HAGH: variants seen among roughly 807,000 people sequenced by gnomAD.
The protein encoded by HAGH is hydroxyacylglutathione hydrolase, mitochondrial.
In HAGH, 29 loss-of-function variants were observed where a neutral mutation model predicts 35.1. The ratio of observed to expected loss-of-function variants is 0.83; its 90% CI spans 0.62 to 1.13. The LOEUF is 1.13. HAGH is among the 50% of genes most tolerant of loss of function. The pLI is 0.00. For missense variants in HAGH, 478 were observed against 419.6 expected, an observed-to-expected ratio of 1.14 and a Z score of -1.22; for synonymous variants, 225 against 176.1, an observed-to-expected ratio of 1.28 and a Z score of -2.20.
intron 7 of HAGH, chr16:1,810,135 C>T (rs530368607): frequency 2.9e-6 from 1 of 341,880 alleles, no homozygotes; most frequent in African/African-American, 2.2e-5. Context: ...GCCCTCCAGC[C>T]TGGGTGACAG....
At chr16:1,826,680 T>C (rs907183203) in intron 1 of HAGH, 32 bp downstream of exon 1, 1 of 983,954 alleles carries the variant, frequency 1.0e-6, no homozygotes, top group Non-Finnish European at 1.2e-6. Flanking sequence ...CAGGCCCGCG[T>C]CCCCCGGCCC....
At chr16:1,821,611 C>T (rs527628785) in intron 3 of HAGH, 1 of 152,332 alleles carries the variant, frequency 6.6e-6, no homozygotes, top group Admixed American at 6.5e-5. Context: ...TTTTTAAAAA[C>T]CCAACCTCTC....
intron 5 of HAGH, among the ~76,000 whole-genome samples, chr16:1,818,173 G>C (rs1278907471): frequency 6.6e-6 from 1 of 152,144 alleles, no homozygotes; most frequent in African/African-American, 2.4e-5. Context: ...GGCTGTCCTT[G>C]CGCCAGGCAC....
Position 1,816,949 on chromosome 16 carries a change from C to G in HAGH, c.691G>C (p.Ala231Pro). 1 of 1,613,964 alleles carries G rather than the reference C, an allele frequency of 6.2e-7. No homozygotes were observed. The highest frequency in any genetic ancestry group is 8.5e-7 in the Non-Finnish European group (1 of 1,179,840). ...HEYTINNLKFARHVEPGNAAI... is the reference protein window; with the variant it reads ...HEYTINNLKFPRHVEPGNAAI... ...GCATTGCCGGGCTCCACGTGGCGTG[C>G]AAACTTGAGGTTGTTGATGGTGTAC... is the stretch of plus-strand genomic sequence containing the variant. Residue 231 changes from alanine (A) to proline (P), a missense_variant, in exon 7 of 9, where the codon GCA becomes CCA. Transcript: ENST00000397356.
chr16:1,822,361 C>T lies in HAGH; in HGVS notation c.253G>A (p.Val85Met), dbSNP rs759861022. The stretch of plus-strand genomic sequence containing the variant: ...ACCCCGTGCTTTCTCGCCGCGTCCA[C>T]GACCTGCAGTGGCCCCGGGGAAGGA... Reference protein sequence around the residue: ...IVDPVQPQKVVDAARKHGVKL... With the variant: ...IVDPVQPQKVMDAARKHGVKL... The change falls in exon 3 of 9, where the codon GTG (valine) becomes ATG (methionine). Residue 85 changes from valine to methionine, a missense_variant. Physicochemically the swap from Val to Met is conservative, Grantham distance 21. Transcript: ENST00000397356. The T allele has an allele frequency of 1.8e-5, 29 of 1,609,002 alleles. No individual in the cohort carries two copies. In the African/African-American group the frequency reaches 2.3e-4, roughly 13 times the overall value.
upstream of HAGH, chr16:1,826,943 G>C (rs13330675): frequency 0.017 from 11,252 of 650,418 alleles, 650 homozygotes; most frequent in African/African-American, 0.11. Context: ...CGCTCAACTT[G>C]TTTTGTCCGC....
rs1180003987 is a variant in HAGH at position 1,809,132 on chromosome 16, CTT to C, written c.*149_*150del. The C allele has an allele frequency of 2.4e-5, 15 of 629,130 alleles. No individual in the cohort carries two copies. In the South Asian group the frequency reaches 2.5e-4, roughly 10 times the overall value. The allele number at this position is 629,130 out of a possible 1,614,324, so 39.0% of individuals were successfully genotyped here. A position where few individuals can be genotyped will look rare whatever the true frequency, so the allele number is the denominator to read the frequency against. On this transcript the variant is annotated 3_prime_UTR_variant, in exon 9 of 9. Transcript: ENST00000397356. Reference sequence around the variant, plus strand: ...GGGAATAAATACTTGTTAAACTTCTCTTATAAATATGCATTAGAATGTCCGAT... The same window carrying C: ...GGGAATAAATACTTGTTAAACTTCTCATAAATATGCATTAGAATGTCCGAT...
At chr16:1,809,422 A>T in intron 8 of HAGH, 40 bp from the exon 9 acceptor site, 1 of 1,548,112 alleles carries the variant, frequency 6.5e-7, no homozygotes, top group Non-Finnish European at 8.8e-7. Flanking sequence ...GTGCCGAGCC[A>T]CGCCCACCGG....
intron 5 of HAGH, chr16:1,818,648 G>A (rs1292731946): frequency 6.3e-6 from 1 of 157,488 alleles, no homozygotes; most frequent in Admixed American, 6.4e-5. Flanking sequence ...GAAGGCCGCA[G>A]CCATGAAGGG....
intron 1 of HAGH, 73 bp from the exon 2 acceptor site, chr16:1,823,110 C>T (rs991027807): frequency 5.4e-6 from 7 of 1,295,362 alleles, no homozygotes; most frequent in Non-Finnish European, 7.8e-6. Flanking sequence ...AGCTGCAGTG[C>T]TTCCCAGCCT....
chr16:1,819,778 C>T, intron 4 of HAGH, 119 bp downstream of exon 4: 1 of 725,374 alleles, frequency 1.4e-6, no homozygotes, highest in South Asian at 1.5e-5. Context: ...CCACAGAGGA[C>T]CACTGAGAGC....
chr16:1,826,875 CT>C (rs895096199), upstream of HAGH: 79 of 833,762 alleles, frequency 9.5e-5, no homozygotes, highest in African/African-American at 1.3e-3. Flanking sequence ...CCGCCTCGCG[CT>C]GCCCTCAGCC....
chr16:1,822,808 GTGA>G, intron 2 of HAGH, 54 bp downstream of exon 2: 1 of 1,464,406 alleles, frequency 6.8e-7, no homozygotes, highest in African/African-American at 1.4e-5. Context: ...CCCATCGGGG[GTGA>G]GGACTCCGAG....
chr16:1,821,606 A>T (rs1330191313), intron 3 of HAGH: 1 of 152,268 alleles, frequency 6.6e-6, no homozygotes, highest in African/African-American at 2.4e-5. Context: ...AAGGATTTTT[A>T]AAAACCCAAC....
At chr16:1,825,380 T>C (rs1019350023) in intron 1 of HAGH, among the ~76,000 whole-genome samples, 2 of 152,166 alleles carry the variant, frequency 1.3e-5, no homozygotes, top group African/African-American at 4.8e-5. Context: ...GGGAGGTGCC[T>C]TTATTTCTGA....
chr16:1,809,051 A>G lies in HAGH; in HGVS notation c.*232T>C. ...GCTCACGGAGGAGGAAGGAGGCCCG[A>G]GGGGACAAGCAGAGGCCTAAAGGCC... is the stretch of plus-strand genomic sequence containing the variant. On this transcript the variant is annotated 3_prime_UTR_variant, in exon 9 of 9. Transcript: ENST00000397356. 2.1e-6 allele frequency: 1 copy of G among 485,690 alleles called. No homozygotes were observed. 30.1% of individuals were successfully genotyped at this position (485,690 alleles called of 1,614,324 possible).
At chr16:1,824,772 G>T (rs868061453) in intron 1 of HAGH, among the ~76,000 whole-genome samples, 2 of 152,082 alleles carry the variant, frequency 1.3e-5, no homozygotes, top group Non-Finnish European at 2.9e-5. Context: ...CCTATTACCC[G>T]CCTGACAACC....
intron 1 of HAGH, among the ~76,000 whole-genome samples, chr16:1,824,852 G>T (rs542302099): frequency 6.6e-6 from 1 of 152,126 alleles, no homozygotes; most frequent in African/African-American, 2.4e-5. Context: ...GCAGCTTCCT[G>T]TGTTATTCCC....
intron 5 of HAGH, chr16:1,818,845 T>C: frequency 2.2e-6 from 1 of 463,892 alleles, no homozygotes; most frequent in Non-Finnish European, 3.9e-6. Context: ...AACTGACTCC[T>C]TTCCCGTGGG....
Sources: allele counts gnomAD v4.1 joint callset (sites outside exome capture counted in the v4.1 genomes callset), GRCh38; gene constraint gnomAD v4.1.1; transcripts MANE v1.5; gene names NCBI Gene and HGNC (gene_info 2026-07-23, HGNC 2026-07-21).